OGG1: variants seen among roughly 807,000 people sequenced by gnomAD.
OGG1 encodes the protein 8-oxoguanine DNA glycosylase.
A neutral mutation model predicts 42.3 loss-of-function variants in OGG1; 35 were observed. That is an observed-to-expected ratio of 0.83 (90% confidence interval 0.63 to 1.10). The LOEUF (loss-of-function observed/expected upper bound fraction) is 1.10, where lower values mean the gene tolerates loss of function less well. OGG1 is among the 50% of genes least tolerant of loss of function. The pLI, the probability that OGG1 is intolerant of heterozygous loss-of-function variation, is 0.00. For synonymous variants in OGG1, 189 were observed against 179.0 expected, an observed-to-expected ratio of 1.06 and a Z score of -0.44; for missense variants, 484 against 446.7, an observed-to-expected ratio of 1.08 and a Z score of -0.75.
At chr3:9,762,667 AT>A (rs879790415) in intron 7 of OGG1, among the ~76,000 whole-genome samples, 187 of 146,312 alleles carry the variant, frequency 1.3e-3, no homozygotes, top group Middle Eastern at 7.1e-3. Context: ...GTCTGGCCAG[AT>A]TTTTTTTTTT....
rs538056324 is a variant in OGG1 at position 9,754,081 on chromosome 3, A to C, written c.566-623A>C. Among the ~76,000 whole-genome samples, 8 of 152,334 alleles carry C rather than the reference A, an allele frequency of 5.3e-5. No individual in the cohort carries two copies. In the South Asian group the frequency reaches 8.3e-4, roughly 16 times the overall value. On this transcript the variant is annotated intron_variant, in intron 3 of 6. Coordinates refer to ENST00000344629, the MANE Select transcript of OGG1 (RefSeq NM_002542.6). ...TTGAGCCTTAGGAGGTCAAGGCTGTAGTGAACTGAGATTGTGCCACTGCAT... is the reference window on the plus strand; with the variant it reads ...TTGAGCCTTAGGAGGTCAAGGCTGTCGTGAACTGAGATTGTGCCACTGCAT...
chr3:9,774,907 G>A (rs2078345523), intron 2 of OGG1, among the ~76,000 whole-genome samples: 2 of 152,014 alleles, frequency 1.3e-5, no homozygotes, highest in Admixed American at 1.3e-4. Context: ...ATCAATTTCA[G>A]AGAAGTAATC....
chr3:9,766,608 G>C, exon 8 of OGG1: 1 of 1,036,758 alleles, frequency 9.6e-7, no homozygotes, highest in African/African-American at 1.7e-5. Flanking sequence ...CAGTGTTTTA[G>C]AACAGGTTCT....
At chr3:9,790,656 T>C (rs868130118), downstream of OGG1, among the ~76,000 whole-genome samples, 2 of 152,298 alleles carry the variant, frequency 1.3e-5, no homozygotes, top group Middle Eastern at 3.4e-3. Context: ...AGCAAATAAA[T>C]AACATCTGAA....
chr3:9,780,207 A>C, intron 2 of OGG1: 1 of 777,252 alleles, frequency 1.3e-6, no homozygotes, highest in South Asian at 1.9e-5. Context: ...GAGCTAGGCC[A>C]AAAGACCTCA....
chr3:9,789,274 GACTTC>G (rs1265852171), downstream of OGG1, among the ~76,000 whole-genome samples: 1 of 152,334 alleles, frequency 6.6e-6, no homozygotes, highest in Non-Finnish European at 1.5e-5. Flanking sequence ...AACATGGGCA[GACTTC>G]ACTTAAGTAG....
downstream of OGG1, chr3:9,789,813 G>A (rs755131993): frequency 5.0e-6 from 8 of 1,614,222 alleles, no homozygotes; most frequent in Admixed American, 3.3e-5. Context: ...GATTTGGGCC[G>A]TCCTGGGCCA....
chr3:9,753,619 A>C (rs2077408224), intron 3 of OGG1, among the ~76,000 whole-genome samples: 1 of 151,814 alleles, frequency 6.6e-6, no homozygotes, highest in Admixed American at 6.6e-5. Flanking sequence ...GTGCCACTGC[A>C]CTCCAGCCTG....
intron 3 of OGG1, among the ~76,000 whole-genome samples, chr3:9,782,790 CAAA>C (rs36123956): frequency 8.3e-6 from 1 of 120,032 alleles, no homozygotes. Context: ...GACACCGTCT[CAAA>C]AAAAAAAAAA....
At chr3:9,786,010 C>G (rs1169688908) in intron 3 of OGG1, among the ~76,000 whole-genome samples, 1 of 151,830 alleles carries the variant, frequency 6.6e-6, no homozygotes, top group African/African-American at 2.4e-5. Context: ...ACAATTTCGG[C>G]TTACTGCAAG....
chr3:9,765,280 T>C (rs1317271221), intron 7 of OGG1, among the ~76,000 whole-genome samples: 2 of 151,586 alleles, frequency 1.3e-5, no homozygotes, highest in Admixed American at 6.6e-5. Flanking sequence ...AGGGGAGAGA[T>C]TGGAAGTGAT....
chr3:9,774,753 C>T (rs1312036886), intron 2 of OGG1, among the ~76,000 whole-genome samples: 5 of 152,136 alleles, frequency 3.3e-5, no homozygotes, highest in African/African-American at 1.2e-4. Flanking sequence ...ACACTGAAGG[C>T]TGATGTTGAT....
rs368757224 is a variant in OGG1 at position 9,756,888 on chromosome 3, G to A, written c.948+72G>A. ...AGACCCAGTGGACTCTTCCACCACCGCCCCAGGTGGCCCTAAAGGACTCTC... is the reference window on the plus strand; with the variant it reads ...AGACCCAGTGGACTCTTCCACCACCACCCCAGGTGGCCCTAAAGGACTCTC... On this transcript the variant is annotated intron_variant, in intron 6 of 6. Transcript: ENST00000344629. 7.4e-5 allele frequency: 120 copies of A among 1,612,034 alleles called. No individual in the cohort carries two copies. In the East Asian group the frequency reaches 1.2e-3, roughly 16 times the overall value.
downstream of OGG1, among the ~76,000 whole-genome samples, chr3:9,790,269 T>C (rs781229601): frequency 1.3e-4 from 20 of 152,244 alleles, no homozygotes; most frequent in Non-Finnish European, 2.9e-4. Context: ...AAACCTTCAC[T>C]TCGATGTCAC....
At position 9,757,364 on chromosome 3, in the gene OGG1, T is replaced by TA; in HGVS notation, c.*215dup. ...GCTAAGGATGGTTTTATCTTCCCTT[T>TA]ATTACAAGAAGGAACAATAAAATAG... On this transcript the variant is annotated 3_prime_UTR_variant, in exon 7 of 7. Transcript: ENST00000344629. This position sits in a 1 kb window ranked among gnomAD's most constrained non-coding sequence, Gnocchi z 4.5. The TA allele has an allele frequency of 6.2e-7, 1 of 1,613,950 alleles. No homozygotes were observed. The highest frequency in any genetic ancestry group is 8.5e-7 in the Non-Finnish European group (1 of 1,179,928).
chr3:9,771,645 G>A (rs1247865022), downstream of OGG1, among the ~76,000 whole-genome samples: 1 of 151,820 alleles, frequency 6.6e-6, no homozygotes, highest in Admixed American at 6.6e-5. Context: ...TTAGTTCATG[G>A]AAAAATACAT....
downstream of OGG1, among the ~76,000 whole-genome samples, chr3:9,788,436 G>C (rs58380045): frequency 0.21 from 31,545 of 151,688 alleles, 3,765 homozygotes; most frequent in East Asian, 0.57. Flanking sequence ...TAGTAGAGAC[G>C]GGGTTTCACC....
At chr3:9,790,679 T>C (rs2078707943), downstream of OGG1, among the ~76,000 whole-genome samples, 3 of 152,250 alleles carry the variant, frequency 2.0e-5, no homozygotes, top group Admixed American at 1.3e-4. Flanking sequence ...ACTTACTTAG[T>C]GTCTGGCATT....
downstream of OGG1, chr3:9,759,054 G>C (rs1575220411): frequency 2.5e-6 from 2 of 784,400 alleles, no homozygotes; most frequent in Non-Finnish European, 4.6e-6. Context: ...CCCCTTACCT[G>C]CTTCTCTAAA....
Sources: gnomAD v4.1 joint callset for allele counts (sites outside exome capture counted in the v4.1 genomes callset) on GRCh38, gnomAD v4.1.1 for gene constraint, Gnocchi (gnomAD v3.1) non-coding constraint, MANE v1.5 for transcripts, NCBI Gene and HGNC (gene_info 2026-07-23, HGNC 2026-07-21) for gene names.